The following SLC14A2 variants were observed in gnomAD, a reference collection of about 807,000 sequenced individuals.
SLC14A2 encodes solute carrier family 14 member 2.
SLC14A2 carries 91 observed loss-of-function variants against 104.6 expected under a neutral mutation model. The ratio of observed to expected loss-of-function variants is 0.87; its 90% CI spans 0.73 to 1.04. SLC14A2 has a LOEUF of 1.04. Among genes scored for constraint, SLC14A2 ranks in the 50% least tolerant of loss-of-function variants. The pLI is 0.00. For synonymous variants in SLC14A2, 476 were observed against 466.4 expected (o/e 1.02, Z -0.27); for missense variants, 1,189 against 1,156.0 (o/e 1.03, Z -0.41).
chr18:45,500,064 A>G (rs1302436004), intron 2 of SLC14A2, among the ~76,000 whole-genome samples: 3 of 152,226 alleles, frequency 2.0e-5, no homozygotes, highest in Admixed American at 2.0e-4. Context: ...TAATATAATT[A>G]TAAGAAGCCG....
chr18:45,188,926 A>G, the SLC14A2 span, among the ~76,000 whole-genome samples: 1 of 152,194 alleles, frequency 6.6e-6, no homozygotes. Flanking sequence ...TGCCCAGAAC[A>G]TCTGAAAGTG....
intron 1 of SLC14A2, among the ~76,000 whole-genome samples, chr18:45,454,690 C>T (rs544866681): frequency 3.7e-4 from 57 of 152,160 alleles, no homozygotes; most frequent in African/African-American, 1.0e-3. Flanking sequence ...ATAAGGTGTA[C>T]GGAAGGGGTC....
the SLC14A2 span, among the ~76,000 whole-genome samples, chr18:45,174,675 G>A: frequency 5.3e-5 from 8 of 152,120 alleles, no homozygotes; most frequent in Admixed American, 2.6e-4. Context: ...AGGAAAGAAC[G>A]GGTCTTGACC....
the SLC14A2 span, among the ~76,000 whole-genome samples, chr18:45,170,618 G>A: frequency 6.6e-6 from 1 of 152,176 alleles, no homozygotes; most frequent in South Asian, 2.1e-4. Flanking sequence ...CAAAAATGCA[G>A]TTCTGCAATG....
intron 1 of SLC14A2, among the ~76,000 whole-genome samples, chr18:45,276,889 G>A (rs777757602): frequency 6.6e-6 from 1 of 152,184 alleles, no homozygotes; most frequent in Non-Finnish European, 1.5e-5. Flanking sequence ...ATACCACTTT[G>A]CTTTAATTGC....
chr18:45,668,824 C>A (rs1021108138), intron 15 of SLC14A2, among the ~76,000 whole-genome samples: 3 of 152,198 alleles, frequency 2.0e-5, no homozygotes, highest in African/African-American at 4.8e-5. Context: ...TCCCCTACCC[C>A]GGCTTTTCTA....
chr18:45,519,357 G>T (rs2043485074), intron 2 of SLC14A2, among the ~76,000 whole-genome samples: 1 of 152,180 alleles, frequency 6.6e-6, no homozygotes, highest in Non-Finnish European at 1.5e-5. Context: ...CCATTTGATT[G>T]CTTCTTGTAG....
intron 2 of SLC14A2, among the ~76,000 whole-genome samples, chr18:45,500,394 G>A (rs1347968405): frequency 7.9e-5 from 12 of 151,902 alleles, no homozygotes; most frequent in Non-Finnish European, 1.2e-4. Flanking sequence ...TGGCTAACAC[G>A]GTGAAACCCC....
chr18:45,475,648 T>TAGA (rs2087354253), intron 1 of SLC14A2, among the ~76,000 whole-genome samples: 1 of 12,026 alleles, frequency 8.3e-5, no homozygotes, highest in Non-Finnish European at 1.6e-4. Flanking sequence ...TTAGGATATA[T>TAGA]ATATATATAT....
chr18:45,472,383 T>G (rs2087267404), intron 1 of SLC14A2, among the ~76,000 whole-genome samples: 1 of 152,206 alleles, frequency 6.6e-6, no homozygotes, highest in East Asian at 1.9e-4. Context: ...ATCCTTTCGG[T>G]ATATACCCAG....
At chr18:45,263,201 T>C (rs777589801) in intron 1 of SLC14A2, among the ~76,000 whole-genome samples, 13 of 152,142 alleles carry the variant, frequency 8.5e-5, no homozygotes, top group Non-Finnish European at 1.8e-4. Context: ...TTTTGAAGAG[T>C]CTTGGTCATT....
At chr18:45,635,509 G>A (rs541833525) in intron 5 of SLC14A2, among the ~76,000 whole-genome samples, 1 of 152,304 alleles carries the variant, frequency 6.6e-6, no homozygotes, top group East Asian at 1.9e-4. Context: ...AAGCAATAGG[G>A]AATGACCATG....
intron 3 of SLC14A2, among the ~76,000 whole-genome samples, chr18:45,626,508 G>A (rs1279668667): frequency 6.6e-6 from 1 of 152,142 alleles, no homozygotes; most frequent in African/African-American, 2.4e-5. Flanking sequence ...CTTCCCTAGT[G>A]TCTTTTCTTC....
At chr18:45,599,308 T>G (rs1046297387) in intron 2 of SLC14A2, among the ~76,000 whole-genome samples, 2 of 152,182 alleles carry the variant, frequency 1.3e-5, no homozygotes, top group African/African-American at 4.8e-5. Context: ...AGAAGCTGAT[T>G]CTTGAATTCA....
At chr18:45,451,952 C>A (rs1238097576) in intron 1 of SLC14A2, among the ~76,000 whole-genome samples, 1 of 152,068 alleles carries the variant, frequency 6.6e-6, no homozygotes, top group Non-Finnish European at 1.5e-5. Context: ...TTAATCAGAA[C>A]CTTAGTTAAT....
At chr18:45,342,048 G>T (rs2085401332) in intron 1 of SLC14A2, among the ~76,000 whole-genome samples, 1 of 152,152 alleles carries the variant, frequency 6.6e-6, no homozygotes, top group African/African-American at 2.4e-5. Flanking sequence ...TTTAAACAGA[G>T]GCATGCATAA....
intron 10 of SLC14A2, among the ~76,000 whole-genome samples, chr18:45,649,215 T>C (rs551376005): frequency 1.1e-4 from 16 of 152,108 alleles, no homozygotes; most frequent in Non-Finnish European, 1.5e-4. Flanking sequence ...TTGTCTCTTA[T>C]TATATAAAAA....
At chr18:45,233,602 T>C (rs1490324891) in intron 1 of SLC14A2, among the ~76,000 whole-genome samples, 1 of 152,148 alleles carries the variant, frequency 6.6e-6, no homozygotes, top group African/African-American at 2.4e-5. Flanking sequence ...TAAGTTGCGA[T>C]TGGACAAGTG....
chr18:45,472,727 GT>G (rs577993328), intron 1 of SLC14A2, among the ~76,000 whole-genome samples: 1 of 152,056 alleles, frequency 6.6e-6, no homozygotes, highest in Admixed American at 6.5e-5. Flanking sequence ...GGGGTTGTGT[GT>G]TTTTTTCTTC....
Sources: allele counts gnomAD v4.1 joint callset (sites outside exome capture counted in the v4.1 genomes callset), GRCh38; gene constraint gnomAD v4.1.1; transcripts MANE v1.5; gene names NCBI Gene and HGNC (gene_info 2026-07-23, HGNC 2026-07-21).